ATXN1: variants seen among roughly 807,000 people sequenced by gnomAD.
ATXN1 encodes ataxin 1, also known as ataxin-1.
In ATXN1, 8 loss-of-function variants were observed where a neutral mutation model predicts 56.4. The ratio of observed to expected loss-of-function variants is 0.14; its 90% CI spans 0.08 to 0.26. The LOEUF (loss-of-function observed/expected upper bound fraction) is 0.26. ATXN1 is among the 10% of genes least tolerant of loss of function. The pLI, the probability that ATXN1 is intolerant of heterozygous loss-of-function variation, is 1.00. For missense variants in ATXN1, 987 were observed against 1,106.5 expected (o/e 0.89, Z 1.53); for synonymous variants, 514 against 494.6 (o/e 1.04, Z -0.52).
intron 6 of ATXN1, among the ~76,000 whole-genome samples, chr6:16,395,007 T>C (rs1561879316): frequency 6.6e-6 from 1 of 152,122 alleles, no homozygotes; most frequent in African/African-American, 2.4e-5. Context: ...TATAAACTTA[T>C]GGTTTAATAA....
At chr6:16,755,103 A>G (rs1760848029) in intron 1 of ATXN1, among the ~76,000 whole-genome samples, 1 of 152,216 alleles carries the variant, frequency 6.6e-6, no homozygotes, top group Non-Finnish European at 1.5e-5. Context: ...CTGGCAGATA[A>G]GGTTTTATAG....
chr6:16,395,426 C>T (rs1305825819), intron 6 of ATXN1, among the ~76,000 whole-genome samples: 1 of 152,070 alleles, frequency 6.6e-6, no homozygotes, highest in Non-Finnish European at 1.5e-5. Flanking sequence ...TTTGGGTCAG[C>T]CGCGGATTGC....
At chr6:16,726,309 G>T in intron 2 of ATXN1, among the ~76,000 whole-genome samples, 1 of 151,072 alleles carries the variant, frequency 6.6e-6, no homozygotes, top group East Asian at 2.0e-4. Context: ...GAACCCGGGG[G>T]AGCAGAGGCT....
Position 16,300,280 on chromosome 6 carries a change from T to C in ATXN1, c.*6049A>G, listed in dbSNP as rs2113361491. On this transcript the variant is annotated 3_prime_UTR_variant, in exon 8 of 8. Coordinates refer to ENST00000436367, the MANE Select transcript of ATXN1 (RefSeq NM_001128164.2). ...TTGTTATTGTATAGATACTACCTATTGGCCAAATGCACTTAATTTTAATAC... is the reference window on the plus strand; with the variant it reads ...TTGTTATTGTATAGATACTACCTATCGGCCAAATGCACTTAATTTTAATAC... The C allele has an allele frequency of 6.5e-6, 1 of 152,772 alleles. No homozygotes were observed. Among genetic ancestry groups the C allele is most frequent in the Middle Eastern group, 3.4e-3 (1 of 294 alleles). The allele number at this position is 152,772 out of a possible 1,614,324, so 9.5% of individuals were successfully genotyped here. A position where few individuals can be genotyped will look rare whatever the true frequency, so the allele number is the denominator to read the frequency against.
intron 6 of ATXN1, among the ~76,000 whole-genome samples, chr6:16,473,904 T>A (rs1760271817): frequency 6.6e-6 from 1 of 152,208 alleles, no homozygotes; most frequent in Non-Finnish European, 1.5e-5. Context: ...ACTTCCTGAA[T>A]TGTCTAGGCT....
At chr6:16,569,301 C>T (rs538438981) in intron 4 of ATXN1, among the ~76,000 whole-genome samples, 4 of 152,172 alleles carry the variant, frequency 2.6e-5, no homozygotes, top group African/African-American at 7.2e-5. Context: ...GGCGGATCAC[C>T]TGAGGTCAGG....
intron 4 of ATXN1, among the ~76,000 whole-genome samples, chr6:16,538,681 T>C (rs1175891174): frequency 6.8e-6 from 1 of 147,732 alleles, no homozygotes; most frequent in African/African-American, 2.5e-5. Flanking sequence ...GAACATGGGG[T>C]GTTTGGTTTT....
At chr6:16,510,358 G>C (rs1761061227) in intron 5 of ATXN1, among the ~76,000 whole-genome samples, 1 of 152,096 alleles carries the variant, frequency 6.6e-6, no homozygotes, top group East Asian at 1.9e-4. Flanking sequence ...ATACTTGACT[G>C]GTTGAACTGA....
chr6:16,606,764 G>A (rs987838352), intron 3 of ATXN1, among the ~76,000 whole-genome samples: 30 of 151,514 alleles, frequency 2.0e-4, no homozygotes, highest in Non-Finnish European at 1.5e-4. Flanking sequence ...TCCTGACCTC[G>A]TGATCCGCCC....
chr6:16,618,111 C>A (rs2113797986), intron 3 of ATXN1, among the ~76,000 whole-genome samples: 1 of 151,670 alleles, frequency 6.6e-6, no homozygotes, highest in Middle Eastern at 3.4e-3. Flanking sequence ...ATGTCCTTTA[C>A]AGGGACATGG....
chr6:16,522,646 G>A lies in ATXN1; in HGVS notation c.-318C>T, dbSNP rs942305699. Reference sequence around the variant, plus strand: ...ACTCACCCTATGAAAACAGCACGTCGATTTCTTTCTCACGAAGAAAATGGT... The same window carrying A: ...ACTCACCCTATGAAAACAGCACGTCAATTTCTTTCTCACGAAGAAAATGGT... On this transcript the variant is annotated 5_prime_UTR_variant, in exon 5 of 8. Transcript: ENST00000436367. 5.3e-5 allele frequency: 8 copies of A among 152,040 alleles called. No homozygotes were observed. The highest frequency in any genetic ancestry group is 1.2e-4 in the Non-Finnish European group (8 of 68,010). 9.4% of individuals were successfully genotyped at this position (152,040 alleles called of 1,614,324 possible). A position where few individuals can be genotyped will look rare whatever the true frequency, so the allele number is the denominator to read the frequency against.
chr6:16,664,213 T>C (rs1338696443), intron 2 of ATXN1, among the ~76,000 whole-genome samples: 1 of 152,148 alleles, frequency 6.6e-6, no homozygotes, highest in Non-Finnish European at 1.5e-5. Flanking sequence ...AAAAAACATA[T>C]GCATTTGGAA....
intron 6 of ATXN1, among the ~76,000 whole-genome samples, chr6:16,401,297 A>G (rs563426697): frequency 6.6e-6 from 1 of 152,302 alleles, no homozygotes; most frequent in Admixed American, 6.5e-5. Flanking sequence ...AAAAGATTCA[A>G]TGTGCCAAGT....
rs74347472 is a variant in ATXN1 at position 16,583,748 on chromosome 6, C to G, written c.-361+2032G>C. 8.9e-4 allele frequency among the ~76,000 whole-genome samples: 136 copies of G among 152,306 alleles called. 2 individuals are homozygous for G. The East Asian group carries it at 0.024, about 27-fold the overall frequency. On this transcript the variant is annotated intron_variant, in intron 4 of 7. Coordinates refer to ENST00000436367, the MANE Select transcript of ATXN1 (RefSeq NM_001128164.2). ...AGCTCTGTGAAAAATGGGTCTCTGA[C>G]TTGAAAACTTGAATCAGGAAGTCTC...
chr6:16,541,622 A>G (rs780773579), intron 4 of ATXN1, among the ~76,000 whole-genome samples: 19 of 152,148 alleles, frequency 1.2e-4, no homozygotes, highest in Non-Finnish European at 2.6e-4. Flanking sequence ...ACTTCATTCC[A>G]CAGTGGTGGA....
chr6:16,635,794 C>T (rs992189052), intron 3 of ATXN1, among the ~76,000 whole-genome samples: 7 of 152,176 alleles, frequency 4.6e-5, no homozygotes, highest in South Asian at 4.1e-4. Flanking sequence ...ATCCTGAAAA[C>T]ATGAGTGGAG....
At chr6:16,356,165 A>C (rs559561414) in intron 6 of ATXN1, among the ~76,000 whole-genome samples, 14 of 152,354 alleles carry the variant, frequency 9.2e-5, no homozygotes, top group African/African-American at 3.4e-4. Flanking sequence ...ACAGGGAAAC[A>C]CTGAAGAAGT....
chr6:16,355,268 C>T (rs1229241659), intron 6 of ATXN1, among the ~76,000 whole-genome samples: 1 of 152,190 alleles, frequency 6.6e-6, no homozygotes, highest in Non-Finnish European at 1.5e-5. Flanking sequence ...ACATACAGAG[C>T]ACCTAAAACC....
intron 2 of ATXN1, chr6:16,738,875 T>A (rs1311545772): frequency 4.6e-5 from 7 of 152,230 alleles, no homozygotes; most frequent in Admixed American, 4.6e-4. Context: ...TGTGGGATAT[T>A]CTAGTTAAAT....
Sources: allele counts gnomAD v4.1 joint callset (sites outside exome capture counted in the v4.1 genomes callset), GRCh38; gene constraint gnomAD v4.1.1; transcripts MANE v1.5; gene names NCBI Gene and HGNC (gene_info 2026-07-23, HGNC 2026-07-21).